Variants in MAN1A2 observed in about 807,000 individuals in gnomAD.
The protein encoded by MAN1A2 is mannosidase alpha class 1A member 2, also known as mannosyl-oligosaccharide 1,2-alpha-mannosidase IB.
A neutral mutation model predicts 75.7 loss-of-function variants in MAN1A2; 26 were observed. That is an observed-to-expected ratio of 0.34 (90% CI 0.25 to 0.48). The LOEUF is 0.48. Ranked by LOEUF, MAN1A2 falls within the 20% of genes least tolerant of loss-of-function variation. MAN1A2 has a pLI of 0.99. For synonymous variants in MAN1A2, 247 were observed against 264.6 expected (o/e 0.93, Z 0.65); for missense variants, 562 against 775.5 (o/e 0.72, Z 3.27).
intron 1 of MAN1A2, among the ~76,000 whole-genome samples, chr1:117,384,873 G>A (rs1653471956): frequency 6.6e-6 from 1 of 152,122 alleles, no homozygotes; most frequent in Admixed American, 6.5e-5. Flanking sequence ...CCTGTTGGTG[G>A]TACCTAGTAG....
At chr1:117,493,318 G>T in intron 9 of MAN1A2, 56 bp downstream of exon 9, 1 of 1,085,866 alleles carries the variant, frequency 9.2e-7, no homozygotes, top group Non-Finnish European at 1.4e-6. Context: ...AGTGTATTTT[G>T]TAGTGACTAG....
intron 8 of MAN1A2, among the ~76,000 whole-genome samples, chr1:117,491,644 G>A (rs527895773): frequency 6.6e-6 from 1 of 152,056 alleles, no homozygotes; most frequent in African/African-American, 2.4e-5. Context: ...ATTGCATTTT[G>A]TAAGGCTATA....
chr1:117,507,644 G>T (rs1651412068), intron 12 of MAN1A2, among the ~76,000 whole-genome samples: 1 of 151,604 alleles, frequency 6.6e-6, no homozygotes, highest in Non-Finnish European at 1.5e-5. Flanking sequence ...AAGATTTTAG[G>T]TGCATTATTA....
At chr1:117,483,700 T>G (rs1482690695) in intron 8 of MAN1A2, among the ~76,000 whole-genome samples, 1 of 152,078 alleles carries the variant, frequency 6.6e-6, no homozygotes, top group Non-Finnish European at 1.5e-5. Flanking sequence ...CAATTTGACT[T>G]CCTTTCCTAA....
chr1:117,376,279 A>G (rs1263993253), intron 1 of MAN1A2, among the ~76,000 whole-genome samples: 1 of 148,410 alleles, frequency 6.7e-6, no homozygotes, highest in African/African-American at 2.5e-5. Flanking sequence ...TGCGGTCAAG[A>G]ATAGGTCGAG....
intron 1 of MAN1A2, among the ~76,000 whole-genome samples, chr1:117,383,915 A>G (rs1653437335): frequency 6.6e-6 from 1 of 152,066 alleles, no homozygotes; most frequent in African/African-American, 2.4e-5. Flanking sequence ...ACATCAAACA[A>G]ACCAGGCCAT....
At chr1:117,491,423 G>C (rs6673496) in intron 8 of MAN1A2, among the ~76,000 whole-genome samples, 17,150 of 152,096 alleles carry the variant, frequency 0.11, 1,054 homozygotes, top group Non-Finnish European at 0.14. Flanking sequence ...TGATGGCAGA[G>C]TTTACTGAAT....
At chr1:117,468,709 A>AT (rs1650052837) in intron 8 of MAN1A2, among the ~76,000 whole-genome samples, 1 of 152,148 alleles carries the variant, frequency 6.6e-6, no homozygotes, top group African/African-American at 2.4e-5. Context: ...GGTTAAATAC[A>AT]TTTTGGCCTG....
rs59022844 is a variant in MAN1A2, at chr1:117,526,880, C to CTATATATATATA, written c.*3941_*3952dup. 63 of 54,492 alleles carry CTATATATATATA rather than the reference C, an allele frequency of 1.2e-3. No individual in the cohort carries two copies. The highest frequency in any genetic ancestry group is 2.0e-3 in the African/African-American group (25 of 12,274). The allele number at this position is 54,492 out of a possible 1,614,324, so 3.4% of individuals were successfully genotyped here. On this transcript the variant is annotated 3_prime_UTR_variant, in exon 13 of 13. Coordinates refer to ENST00000356554, the MANE Select transcript of MAN1A2 (RefSeq NM_006699.5). The stretch of plus-strand genomic sequence containing the variant: ...TCTCTCTCTCTCTCTCTCTCTCTCT[C>CTATATATATATA]TATATATATATATATATATATATAT...
intron 5 of MAN1A2, among the ~76,000 whole-genome samples, chr1:117,422,245 C>T (rs957580029): frequency 1.3e-5 from 2 of 152,048 alleles, no homozygotes; most frequent in African/African-American, 4.8e-5. Context: ...GATCTCTTTT[C>T]TGTCTCTACA....
intron 3 of MAN1A2, among the ~76,000 whole-genome samples, chr1:117,406,669 G>A (rs1050957673): frequency 2.0e-5 from 3 of 152,138 alleles, no homozygotes; most frequent in African/African-American, 7.2e-5. Flanking sequence ...TTCATAATAT[G>A]ATATTTAATT....
At chr1:117,509,989 A>G (rs926592761) in intron 12 of MAN1A2, among the ~76,000 whole-genome samples, 4 of 151,790 alleles carry the variant, frequency 2.6e-5, no homozygotes. Context: ...ATAAGATTAT[A>G]TATACCTATT....
intron 5 of MAN1A2, among the ~76,000 whole-genome samples, chr1:117,431,170 G>A (rs1358049820): frequency 3.4e-5 from 4 of 117,854 alleles, no homozygotes; most frequent in African/African-American, 3.2e-5. Context: ...CTTCGGCTCC[G>A]CATGAGAGGG....
At chr1:117,382,051 T>A (rs1407338539) in intron 1 of MAN1A2, among the ~76,000 whole-genome samples, 1 of 152,126 alleles carries the variant, frequency 6.6e-6, no homozygotes, top group African/African-American at 2.4e-5. Flanking sequence ...CTTGTAAATT[T>A]GTTTGAGTTC....
intron 8 of MAN1A2, among the ~76,000 whole-genome samples, chr1:117,477,143 G>C (rs1650339279): frequency 6.6e-6 from 1 of 151,868 alleles, no homozygotes; most frequent in South Asian, 2.1e-4. Flanking sequence ...GGCAGTAATA[G>C]TCTATGAACC....
chr1:117,437,540 TGTAGGA>T (rs1648884855), intron 5 of MAN1A2, among the ~76,000 whole-genome samples: 1 of 152,098 alleles, frequency 6.6e-6, no homozygotes, highest in Non-Finnish European at 1.5e-5. Context: ...TAATGCAAGG[TGTAGGA>T]GTGTGTGTGC....
intron 1 of MAN1A2, among the ~76,000 whole-genome samples, chr1:117,383,895 A>G (rs1478731832): frequency 6.6e-6 from 1 of 152,164 alleles, no homozygotes; most frequent in Non-Finnish European, 1.5e-5. Flanking sequence ...AGCTGGGACT[A>G]CAGATGCACA....
chr1:117,472,546 A>G (rs1402814086), intron 8 of MAN1A2, among the ~76,000 whole-genome samples: 1 of 152,052 alleles, frequency 6.6e-6, no homozygotes, highest in Non-Finnish European at 1.5e-5. Flanking sequence ...GAAATAAACA[A>G]ATACATGATG....
At chr1:117,413,070 G>A (rs1405376411) in intron 3 of MAN1A2, among the ~76,000 whole-genome samples, 1 of 151,866 alleles carries the variant, frequency 6.6e-6, no homozygotes. Context: ...ACATATTCAA[G>A]AATTTATGCA....
Sources: allele counts gnomAD v4.1 joint callset (sites outside exome capture counted in the v4.1 genomes callset), GRCh38; gene constraint gnomAD v4.1.1; transcripts MANE v1.5; gene names NCBI Gene and HGNC (gene_info 2026-07-23, HGNC 2026-07-21).